Variants in SYT1 observed in about 807,000 individuals in gnomAD.
SYT1 encodes synaptotagmin-1.
A neutral mutation model predicts 44.8 loss-of-function variants in SYT1; 8 were observed. The ratio of observed to expected loss-of-function variants is 0.18; its 90% CI spans 0.10 to 0.32. The LOEUF (loss-of-function observed/expected upper bound fraction) is 0.32. SYT1 is among the 10% of genes least tolerant of loss of function. The probability of loss-of-function intolerance (pLI) is 1.00; values close to 1 mark genes in which losing one functional copy is unlikely to be tolerated. For synonymous variants in SYT1, 154 were observed against 188.8 expected (o/e 0.82, Z 1.51); for missense variants, 286 against 509.3 (o/e 0.56, Z 4.22).
intron 3 of SYT1, among the ~76,000 whole-genome samples, chr12:79,192,877 C>A (rs4842440): frequency 0.71 from 107,400 of 151,988 alleles, 38,437 homozygotes; most frequent in African/African-American, 0.77. Context: ...TCCTTCTTTT[C>A]CAATAAGTTG....
chr12:78,892,033 T>C (rs545168738), intron 1 of SYT1, among the ~76,000 whole-genome samples: 1 of 151,824 alleles, frequency 6.6e-6, no homozygotes, highest in Non-Finnish European at 1.5e-5. Flanking sequence ...TCTCCTGATA[T>C]AAATATTTTT....
At chr12:79,104,356 A>T (rs1878598918) in intron 3 of SYT1, among the ~76,000 whole-genome samples, 1 of 152,120 alleles carries the variant, frequency 6.6e-6, no homozygotes, top group Admixed American at 6.5e-5. Flanking sequence ...TAGGAGGGAG[A>T]GGGATTTTTA....
chr12:79,373,318 T>C (rs1883867159), intron 9 of SYT1, among the ~76,000 whole-genome samples: 1 of 152,172 alleles, frequency 6.6e-6, no homozygotes. Context: ...ATACATTTAC[T>C]TGTAGGTTTG....
intron 9 of SYT1, among the ~76,000 whole-genome samples, chr12:79,376,842 CTAA>C (rs1410231154): frequency 6.6e-6 from 1 of 152,158 alleles, no homozygotes; most frequent in Admixed American, 6.5e-5. Context: ...GCCTCCTTAT[CTAA>C]ATTGCCAAAA....
intron 1 of SYT1, among the ~76,000 whole-genome samples, chr12:78,936,504 T>C (rs1320464235): frequency 6.6e-6 from 1 of 152,180 alleles, no homozygotes; most frequent in East Asian, 1.9e-4. Context: ...TAGGTATGCC[T>C]GTTTATTTTC....
chr12:79,035,215 C>G (rs1873052555), intron 2 of SYT1, among the ~76,000 whole-genome samples: 1 of 151,696 alleles, frequency 6.6e-6, no homozygotes, highest in Non-Finnish European at 1.5e-5. Context: ...GAATATGGAG[C>G]AAACCAAGGT....
intron 3 of SYT1, among the ~76,000 whole-genome samples, chr12:79,139,344 G>A (rs1224193540): frequency 6.6e-6 from 1 of 152,146 alleles, no homozygotes; most frequent in South Asian, 2.1e-4. Context: ...ATGCTTGAAA[G>A]GCTATAGATG....
At chr12:79,081,474 G>A (rs953443497) in intron 3 of SYT1, among the ~76,000 whole-genome samples, 1 of 151,540 alleles carries the variant, frequency 6.6e-6, no homozygotes, top group Non-Finnish European at 1.5e-5. Flanking sequence ...CTGTCTCCTG[G>A]TTAATCTGAT....
intron 1 of SYT1, among the ~76,000 whole-genome samples, chr12:78,935,402 C>T (rs936201838): frequency 1.3e-5 from 2 of 152,128 alleles, no homozygotes; most frequent in African/African-American, 2.4e-5. Context: ...AGGCATGGTT[C>T]ATGTTTTCAG....
intron 1 of SYT1, among the ~76,000 whole-genome samples, chr12:78,912,793 C>A (rs546623393): frequency 6.6e-6 from 1 of 152,024 alleles, no homozygotes; most frequent in Admixed American, 6.6e-5. Flanking sequence ...AAAATGCTCA[C>A]ACACTTGGGG....
At position 79,305,624 on chromosome 12, in the gene SYT1, G is replaced by A. The variant is rs146724910; in HGVS notation, c.810+6073G>A. The stretch of plus-strand genomic sequence containing the variant: ...GGGAAGGAAGGGAACTGAGACCCAG[G>A]AAAGTTTAAGTAATGTGTCCAAGTT... On this transcript the variant is annotated intron_variant, in intron 8 of 10. Transcript: ENST00000261205. 4.3e-3 allele frequency among the ~76,000 whole-genome samples: 655 copies of A among 152,220 alleles called. 1 individual carries two copies. The highest frequency in any genetic ancestry group is 0.015 in the African/African-American group (622 of 41,540).
chr12:79,012,813 C>T (rs996463288), intron 2 of SYT1, among the ~76,000 whole-genome samples: 5 of 152,150 alleles, frequency 3.3e-5, no homozygotes, highest in African/African-American at 1.2e-4. Flanking sequence ...GTCAGAATGG[C>T]ATTTTCCTTC....
At chr12:79,026,667 T>TATATA (rs1555190335) in intron 2 of SYT1, among the ~76,000 whole-genome samples, 2 of 102,280 alleles carry the variant, frequency 2.0e-5, no homozygotes, top group African/African-American at 3.8e-5. Flanking sequence ...CATATATATT[T>TATATA]TATATATATA....
At position 79,274,504 on chromosome 12, in the gene SYT1, C is replaced by T. The variant is rs1878607912; in HGVS notation, c.167-11283C>T. 2.6e-5 allele frequency among the ~76,000 whole-genome samples: 4 copies of T among 152,296 alleles called. No homozygotes were observed. In the South Asian group the frequency reaches 6.2e-4, roughly 24 times the overall value. ...TCCACTCCTCTCTGGAACATTACCC[C>T]AGTGGCCAGGAAACTTCCTTTCAAC... On this transcript the variant is annotated intron_variant, in intron 4 of 10. Coordinates refer to ENST00000261205, the MANE Select transcript of SYT1 (RefSeq NM_005639.3).
intron 8 of SYT1, among the ~76,000 whole-genome samples, chr12:79,346,977 G>T (rs1449361190): frequency 2.0e-5 from 3 of 151,858 alleles, no homozygotes; most frequent in Admixed American, 6.6e-5. Flanking sequence ...GCAATTGCTA[G>T]CAGAAATCCA....
At chr12:78,910,078 C>T (rs756425903) in intron 1 of SYT1, among the ~76,000 whole-genome samples, 4 of 151,928 alleles carry the variant, frequency 2.6e-5, no homozygotes, top group Admixed American at 1.3e-4. Context: ...AGAATCACTA[C>T]ATTTCATATC....
intron 1 of SYT1, among the ~76,000 whole-genome samples, chr12:78,883,111 T>G (rs1874545984): frequency 6.6e-6 from 1 of 151,734 alleles, no homozygotes; most frequent in Non-Finnish European, 1.5e-5. Flanking sequence ...TCTCTGAGAT[T>G]CTATGTGTGT....
chr12:78,983,819 A>C (rs1869442355), intron 2 of SYT1, among the ~76,000 whole-genome samples: 1 of 152,108 alleles, frequency 6.6e-6, no homozygotes, highest in South Asian at 2.1e-4. Flanking sequence ...CTGCAAAAGT[A>C]AAGAATCAAG....
intron 9 of SYT1, among the ~76,000 whole-genome samples, chr12:79,395,401 T>C (rs1884828832): frequency 6.6e-6 from 1 of 152,110 alleles, no homozygotes; most frequent in Non-Finnish European, 1.5e-5. Context: ...GTATTTTTAG[T>C]AGAGATGAGG....
Sources: gnomAD v4.1 joint callset for allele counts (sites outside exome capture counted in the v4.1 genomes callset) on GRCh38, gnomAD v4.1.1 for gene constraint, MANE v1.5 for transcripts, NCBI Gene and HGNC (gene_info 2026-07-23, HGNC 2026-07-21) for gene names.